The following FBXL16 variants were observed in gnomAD, a reference collection of about 807,000 sequenced individuals.
The protein encoded by FBXL16 is F-box/LRR-repeat protein 16.
In FBXL16, 7 loss-of-function variants were observed where a neutral mutation model predicts 36.7. The ratio of observed to expected loss-of-function variants is 0.19; its 90% confidence interval spans 0.11 to 0.36. The LOEUF (loss-of-function observed/expected upper bound fraction) is 0.36, where lower values mean the gene tolerates loss of function less well. Among genes scored for constraint, FBXL16 ranks in the 10% least tolerant of loss-of-function variants. The pLI is 1.00. For synonymous variants in FBXL16, 355 were observed against 308.7 expected (o/e 1.15, Z -1.57); for missense variants, 463 against 659.4 (o/e 0.70, Z 3.26).
intron 1 of FBXL16, among the ~76,000 whole-genome samples, chr16:701,025 A>G (rs760555924): frequency 1.2e-4 from 19 of 152,014 alleles, no homozygotes; most frequent in Non-Finnish European, 2.5e-4. Flanking sequence ...TTAGGTTGAA[A>G]ACGCTCCCAG....
intron 1 of FBXL16, among the ~76,000 whole-genome samples, chr16:703,265 G>A (rs1033598198): frequency 5.9e-5 from 9 of 152,248 alleles, no homozygotes; most frequent in Admixed American, 3.9e-4. Context: ...TGCACACCGC[G>A]TGCCCACCCC....
chr16:698,927 AAAAAAG>A (rs1471254010), intron 1 of FBXL16, among the ~76,000 whole-genome samples: 1,783 of 89,022 alleles, frequency 0.02, 11 homozygotes, highest in East Asian at 0.11. Context: ...AAAAAAAAAA[AAAAAAG>A]AAAGAAAGAA....
intron 1 of FBXL16, among the ~76,000 whole-genome samples, chr16:704,007 G>T (rs189953106): frequency 8.5e-5 from 13 of 152,358 alleles, no homozygotes; most frequent in Admixed American, 7.8e-4. Context: ...AGCCAGTTTG[G>T]CCGTTGACTC....
intron 1 of FBXL16, among the ~76,000 whole-genome samples, chr16:704,748 G>A (rs1596577404): frequency 6.6e-6 from 1 of 152,314 alleles, no homozygotes; most frequent in Non-Finnish European, 1.5e-5. Flanking sequence ...GGTGGCCTCC[G>A]CCATCTGCTC....
intron 1 of FBXL16, among the ~76,000 whole-genome samples, chr16:700,539 A>C (rs906739738): frequency 2.0e-5 from 3 of 152,042 alleles, no homozygotes; most frequent in African/African-American, 7.2e-5. Flanking sequence ...TGAGGAGCGA[A>C]TTTGCCCCAG....
At chr16:698,621 G>T (rs914662684) in intron 1 of FBXL16, among the ~76,000 whole-genome samples, 3 of 152,208 alleles carry the variant, frequency 2.0e-5, no homozygotes, top group African/African-American at 7.2e-5. Flanking sequence ...CCCTGGCTCA[G>T]AATCTACCCA....
intron 1 of FBXL16, among the ~76,000 whole-genome samples, chr16:700,806 G>GC (rs1313718317): frequency 6.6e-6 from 1 of 152,020 alleles, no homozygotes; most frequent in African/African-American, 2.4e-5. Context: ...GACAGCGGCC[G>GC]CCCCAGCCGC....
chr16:697,556 G>T lies in FBXL16; in HGVS notation c.-14-137C>A. 1 of 1,161,628 alleles carries T rather than the reference G, an allele frequency of 8.6e-7. No individual in the cohort carries two copies. The highest frequency in any genetic ancestry group is 1.2e-6 in the Non-Finnish European group (1 of 859,160). The allele number at this position is 1,161,628 out of a possible 1,614,324, so 72.0% of individuals were successfully genotyped here. On this transcript the variant is annotated intron_variant, in intron 1 of 5. Coordinates refer to ENST00000397621, the MANE Select transcript of FBXL16 (RefSeq NM_153350.4). The surrounding 1 kb of genome is among the most constrained non-coding windows in gnomAD (Gnocchi z 4.6). ...CCAGAACCACCAGACAGAGAGGATGGGAGTGCCTGCTTCTCCCTCCCAGAC... is the reference window on the plus strand; with the variant it reads ...CCAGAACCACCAGACAGAGAGGATGTGAGTGCCTGCTTCTCCCTCCCAGAC...
chr16:702,062 G>A (rs74002846), intron 1 of FBXL16, among the ~76,000 whole-genome samples: 3,493 of 152,254 alleles, frequency 0.023, 128 homozygotes, highest in African/African-American at 0.079. Flanking sequence ...GGGCCTGGGT[G>A]CTCCTGGGGG....
intron 1 of FBXL16, among the ~76,000 whole-genome samples, chr16:705,089 G>T (rs965898821): frequency 2.6e-5 from 4 of 152,174 alleles, no homozygotes; most frequent in Non-Finnish European, 5.9e-5. Context: ...CCCGCCCGGG[G>T]AGGGCCGCCC....
intron 1 of FBXL16, among the ~76,000 whole-genome samples, chr16:700,846 C>T (rs1374590109): frequency 6.6e-6 from 1 of 152,140 alleles, no homozygotes; most frequent in Non-Finnish European, 1.5e-5. Flanking sequence ...GGCTGGCTTC[C>T]ACCGCGGACG....
chr16:699,905 C>T (rs1035679488), intron 1 of FBXL16, among the ~76,000 whole-genome samples: 2 of 152,198 alleles, frequency 1.3e-5, no homozygotes, highest in African/African-American at 4.8e-5. Flanking sequence ...GAGGATGGCT[C>T]ACATCTTTTT....
chr16:694,260 G>C lies in FBXL16; in HGVS notation c.*15C>G. 3 of 1,362,616 alleles carry C rather than the reference G, an allele frequency of 2.2e-6. No homozygotes were observed. Among genetic ancestry groups the C allele is most frequent in the Non-Finnish European group, 2.8e-6 (3 of 1,054,428 alleles). 84.4% of individuals were successfully genotyped at this position (1,362,616 alleles called of 1,614,324 possible). On this transcript the variant is annotated 3_prime_UTR_variant, in exon 6 of 6. Coordinates refer to ENST00000397621, the MANE Select transcript of FBXL16 (RefSeq NM_153350.4). ...GTCATGGCCGGGTTCCCGCGACCGG[G>C]GCGGGGGCCTCGCGCTACTCAATGA... is the stretch of plus-strand genomic sequence containing the variant.
chr16:694,739 C>G, intron 4 of FBXL16, 42 bp from the exon 5 acceptor site: 1 of 1,565,042 alleles, frequency 6.4e-7, no homozygotes, highest in Non-Finnish European at 8.7e-7. Context: ...TCCGCTCGCA[C>G]CGAGGCGGAG....
chr16:697,473 G>T lies in FBXL16; in HGVS notation c.-14-54C>A. The T allele has an allele frequency of 6.8e-7, 1 of 1,475,430 alleles. No individual in the cohort carries two copies. The highest frequency in any genetic ancestry group is 1.3e-5 in the South Asian group (1 of 75,004). 91.4% of individuals were successfully genotyped at this position (1,475,430 alleles called of 1,614,324 possible). A position where few individuals can be genotyped will look rare whatever the true frequency, so the allele number is the denominator to read the frequency against. On this transcript the variant is annotated intron_variant, in intron 1 of 5. Coordinates refer to ENST00000397621, the MANE Select transcript of FBXL16 (RefSeq NM_153350.4). The surrounding 1 kb of genome is among the most constrained non-coding windows in gnomAD (Gnocchi z 4.6). ...AGTCTGTTGCTGAGTCTGGAAGGCC[G>T]GGGTTGGGGGCGGGTGCAGTGGGGC...
At chr16:698,268 C>A (rs1295770214) in intron 1 of FBXL16, among the ~76,000 whole-genome samples, 4 of 152,142 alleles carry the variant, frequency 2.6e-5, no homozygotes, top group Non-Finnish European at 4.4e-5. Context: ...CTCCCAAAGT[C>A]CTGGGATTAT....
chr16:694,803 TC>T (rs1230460127), intron 4 of FBXL16, 106 bp from the exon 5 acceptor site: 59 of 1,331,898 alleles, frequency 4.4e-5, no homozygotes, highest in South Asian at 5.2e-5. Flanking sequence ...GGTTCCTCCG[TC>T]CCCCCCGGAG....
At chr16:702,019 C>T (rs1422204982) in intron 1 of FBXL16, among the ~76,000 whole-genome samples, 1 of 152,134 alleles carries the variant, frequency 6.6e-6, no homozygotes, top group East Asian at 1.9e-4. Context: ...CAGTGTGAAG[C>T]GTGTGGCCAG....
At chr16:700,798 C>G (rs1354336803) in intron 1 of FBXL16, among the ~76,000 whole-genome samples, 2 of 152,038 alleles carry the variant, frequency 1.3e-5, no homozygotes, top group Non-Finnish European at 2.9e-5. Context: ...GCACCATGGA[C>G]AGCGGCCGCC....
Sources: allele counts gnomAD v4.1 joint callset (sites outside exome capture counted in the v4.1 genomes callset), GRCh38; gene constraint gnomAD v4.1.1; non-coding constraint Gnocchi (gnomAD v3.1); transcripts MANE v1.5; gene names NCBI Gene and HGNC (gene_info 2026-07-23, HGNC 2026-07-21).